CSMD3: variants seen among roughly 807,000 people sequenced by gnomAD.
The protein encoded by CSMD3 is CUB and Sushi multiple domains 3.
Under a neutral mutation model 435.2 loss-of-function variants are expected in CSMD3, and 177 were observed. The ratio of observed to expected loss-of-function variants is 0.41; its 90% confidence interval spans 0.36 to 0.46. The LOEUF is 0.46. Among genes scored for constraint, CSMD3 ranks in the 20% least tolerant of loss-of-function variants. The pLI, the probability that CSMD3 is intolerant of heterozygous loss-of-function variation, is 0.34. For missense variants in CSMD3, 4,265 were observed against 4,504.6 expected, an observed-to-expected ratio of 0.95 and a Z score of 1.52; for synonymous variants, 1,656 against 1,520.5, an observed-to-expected ratio of 1.09 and a Z score of -2.07.
chr8:113,049,307 GAC>G (rs1168725016), intron 5 of CSMD3, among the ~76,000 whole-genome samples: 1 of 151,772 alleles, frequency 6.6e-6, no homozygotes, highest in Non-Finnish European at 1.5e-5. Context: ...AAGTTTCAAG[GAC>G]ACCTGAGGGC....
rs376760616 is a variant in CSMD3, at chr8:112,594,430, C to A, written c.3716-7195G>T. On this transcript the variant is annotated intron_variant, in intron 22 of 70. Coordinates refer to ENST00000297405, the MANE Select transcript of CSMD3 (RefSeq NM_198123.2). ...TGAGATCAAACTGCAAGGCGGCAGC[C>A]AGGCTGGGGGAGGGGCGCCCGCCAT... is the stretch of plus-strand genomic sequence containing the variant. 1.3e-3 allele frequency among the ~76,000 whole-genome samples: 191 copies of A among 151,858 alleles called. 1 individual carries two copies. Among genetic ancestry groups the A allele is most frequent in the African/African-American group, 4.0e-3 (166 of 41,442 alleles).
At chr8:112,269,171 G>T (rs570623614) in intron 59 of CSMD3, among the ~76,000 whole-genome samples, 4 of 152,114 alleles carry the variant, frequency 2.6e-5, no homozygotes, top group African/African-American at 7.2e-5. Flanking sequence ...TTTTATCTGC[G>T]CTCAGTTTTA....
At chr8:113,261,951 CATT>C (rs1279183484) in intron 3 of CSMD3, among the ~76,000 whole-genome samples, 1 of 151,952 alleles carries the variant, frequency 6.6e-6, no homozygotes, top group East Asian at 1.9e-4. Flanking sequence ...CTTGTAGAAT[CATT>C]ATTATATTTT....
chr8:113,355,046 C>G lies in CSMD3; in HGVS notation c.179-40253G>C, dbSNP rs147186403. Among the ~76,000 whole-genome samples the G allele has an allele frequency of 2.9e-3, 437 of 152,084 alleles. 4 individuals carry two copies. In the East Asian group the frequency reaches 0.033, roughly 12 times the overall value. On this transcript the variant is annotated intron_variant, in intron 1 of 70. Transcript: ENST00000297405. ...AATATTATTTTCAGCATTTCACAAG[C>G]CAAAACTTTACAAATTTTATGAAAT...
At chr8:112,908,838 A>T (rs1356683554) in intron 10 of CSMD3, among the ~76,000 whole-genome samples, 2 of 151,668 alleles carry the variant, frequency 1.3e-5, no homozygotes, top group Admixed American at 6.6e-5. Flanking sequence ...TGTTCTTTTT[A>T]AAATACTCTT....
chr8:113,351,371 A>G (rs191641243), intron 1 of CSMD3, among the ~76,000 whole-genome samples: 2 of 152,284 alleles, frequency 1.3e-5, no homozygotes, highest in African/African-American at 4.8e-5. Flanking sequence ...AGCGATTACA[A>G]ATATGTACAA....
At chr8:113,227,129 A>G (rs2093037477) in intron 3 of CSMD3, among the ~76,000 whole-genome samples, 1 of 151,536 alleles carries the variant, frequency 6.6e-6, no homozygotes, top group African/African-American at 2.4e-5. Context: ...TTACATCATT[A>G]TTTTTATTCA....
intron 1 of CSMD3, among the ~76,000 whole-genome samples, chr8:113,392,262 C>G (rs2094464085): frequency 6.6e-6 from 1 of 151,874 alleles, no homozygotes; most frequent in South Asian, 2.1e-4. Context: ...TTTCTTACAC[C>G]AAATCAATAA....
chr8:113,116,280 C>T (rs374734522), intron 4 of CSMD3, among the ~76,000 whole-genome samples: 8 of 152,208 alleles, frequency 5.3e-5, no homozygotes, highest in South Asian at 2.1e-4. Context: ...AGTTTCTCCA[C>T]GCTATTCTTG....
intron 5 of CSMD3, among the ~76,000 whole-genome samples, chr8:113,083,021 A>G (rs1335363433): frequency 6.6e-6 from 1 of 152,174 alleles, no homozygotes; most frequent in Non-Finnish European, 1.5e-5. Flanking sequence ...CAGAAAATCT[A>G]TTTAATGAAA....
chr8:112,314,707 T>G, intron 47 of CSMD3, 90 bp from the exon 48 acceptor site: 1 of 845,696 alleles, frequency 1.2e-6, no homozygotes, highest in Non-Finnish European at 2.0e-6. Flanking sequence ...TGCTTTCATG[T>G]TCAATAGCTA....
At chr8:112,632,604 G>C (rs2074546247) in intron 22 of CSMD3, among the ~76,000 whole-genome samples, 1 of 151,864 alleles carries the variant, frequency 6.6e-6, no homozygotes, top group Non-Finnish European at 1.5e-5. Flanking sequence ...TTGTTTATTT[G>C]CAACATGGCC....
intron 38 of CSMD3, among the ~76,000 whole-genome samples, chr8:112,356,708 A>G (rs1826646202): frequency 6.6e-6 from 1 of 151,858 alleles, no homozygotes; most frequent in Non-Finnish European, 1.5e-5. Flanking sequence ...TGCTGTTTTC[A>G]TGACAGTGAA....
chr8:112,738,282 C>T (rs569207241), intron 13 of CSMD3, among the ~76,000 whole-genome samples: 3 of 151,716 alleles, frequency 2.0e-5, no homozygotes, highest in South Asian at 2.1e-4. Flanking sequence ...ATAATCCTTT[C>T]GAAGTGGTGG....
At chr8:112,743,477 C>T (rs993160482) in intron 13 of CSMD3, among the ~76,000 whole-genome samples, 1 of 151,646 alleles carries the variant, frequency 6.6e-6, no homozygotes, top group Non-Finnish European at 1.5e-5. Context: ...AGGCAGTCTT[C>T]AACAAGGAAA....
At position 112,637,015 on chromosome 8, in the gene CSMD3, A is replaced by G. The variant is rs2074679497; in HGVS notation, c.3527-10T>C. The G allele has an allele frequency of 6.2e-7, 1 of 1,612,062 alleles. No homozygotes were observed. The highest frequency in any genetic ancestry group is 1.3e-5 in the African/African-American group (1 of 74,968). ...GGTTCAAGGTTATATTCTGTAAATT[A>G]GAGAGAAAAATTTCCCCGCGGGGGA... On this transcript the variant is annotated splice_polypyrimidine_tract_variant and intron_variant, in intron 21 of 70. Coordinates refer to ENST00000297405, the MANE Select transcript of CSMD3 (RefSeq NM_198123.2).
intron 6 of CSMD3, among the ~76,000 whole-genome samples, chr8:112,983,401 T>G (rs1239894317): frequency 1.3e-5 from 2 of 151,568 alleles, no homozygotes; most frequent in Non-Finnish European, 2.9e-5. Flanking sequence ...CTTTTATGTA[T>G]GTGATATGAT....
In CSMD3 at chr8:112,468,422, A is replaced by C. The variant is rs539106549; in HGVS notation, c.5395+4169T>G. On this transcript the variant is annotated intron_variant, in intron 32 of 70. Coordinates refer to ENST00000297405, the MANE Select transcript of CSMD3 (RefSeq NM_198123.2). Reference sequence around the variant, plus strand: ...ACTTTGACTGTCATCCTATATATTTATGTTTCTTCTCAGCCAGGATTGTTA... The same window carrying C: ...ACTTTGACTGTCATCCTATATATTTCTGTTTCTTCTCAGCCAGGATTGTTA... Among the ~76,000 whole-genome samples the C allele has an allele frequency of 3.3e-5, 5 of 152,016 alleles. 1 individual carries two copies. In the South Asian group the frequency reaches 1.0e-3, roughly 32 times the overall value.
intron 38 of CSMD3, among the ~76,000 whole-genome samples, chr8:112,371,603 A>G (rs1828395828): frequency 6.6e-6 from 1 of 152,250 alleles, no homozygotes; most frequent in Non-Finnish European, 1.5e-5. Flanking sequence ...AAAACAAATG[A>G]CAAAGGATGG....
Sources: allele counts gnomAD v4.1 joint callset (sites outside exome capture counted in the v4.1 genomes callset), GRCh38; gene constraint gnomAD v4.1.1; transcripts MANE v1.5; gene names NCBI Gene and HGNC (gene_info 2026-07-23, HGNC 2026-07-21).